The following GATA3 variants were observed in gnomAD, a reference collection of about 807,000 sequenced individuals.
GATA3 encodes the protein trans-acting T-cell-specific transcription factor GATA-3.
GATA3 carries 6 observed loss-of-function variants against 36.0 expected under a neutral mutation model. That is an observed-to-expected ratio of 0.17 (90% CI 0.09 to 0.33). GATA3 has a LOEUF of 0.33. Among genes scored for constraint, GATA3 ranks in the 10% least tolerant of loss-of-function variants. The probability of loss-of-function intolerance (pLI) is 1.00; values close to 1 mark genes in which losing one functional copy is unlikely to be tolerated. For missense variants in GATA3, 514 were observed against 610.1 expected (o/e 0.84, Z 1.66); for synonymous variants, 326 against 273.0 (o/e 1.19, Z -1.92).
rs776824939 is a variant in GATA3 at position 8,058,560 on chromosome 10, C to T, written c.497C>T (p.Ser166Leu). 1.9e-6 allele frequency: 3 copies of T among 1,612,464 alleles called. No homozygotes were observed. The highest frequency in any genetic ancestry group is 4.5e-5 in the East Asian group (2 of 44,854). The change falls in exon 3 of 6, where the codon TCG becomes TTG. Residue 166 changes from serine (S) to leucine (L), a missense_variant. Around this residue, in one of 3 missense-constraint regions of GATA3, gnomAD observed 381 missense variants for 354.3 expected, o/e 1.08. Transcript: ENST00000379328. The part of the protein sequence containing the change: ...TPPKDVSPDP[S>L]LSTPGSAGSA... ...CCGAAGGACGTCTCCCCGGACCCAT[C>T]GCTGTCCACCCCAGGCTCGGCCGGC...
rs766098800 is a variant in GATA3, at chr10:8,064,130, C to A, written c.916C>A (p.Arg306=). 1.2e-5 allele frequency: 19 copies of A among 1,613,978 alleles called. No individual in the cohort carries two copies. Among genetic ancestry groups the A allele is most frequent in the East Asian group, 2.2e-5 (1 of 44,878 alleles). The part of the protein sequence containing the change: ...GQNRPLIKPK[R]RLSAARRAGT... ...GAACCGGCCCCTCATTAAGCCCAAG[C>A]GAAGGCTGGTAAGTTCTCGGGAAGG... Residue 306 remains arginine, a synonymous_variant, in exon 4 of 6, where the codon CGA becomes AGA. Coordinates refer to ENST00000379328, the MANE Select transcript of GATA3 (RefSeq NM_001002295.2).
At chr10:8,072,407 C>T (rs1444769047) in intron 5 of GATA3, among the ~76,000 whole-genome samples, 1 of 152,172 alleles carries the variant, frequency 6.6e-6, no homozygotes, top group Admixed American at 6.5e-5. Context: ...AGTCTGTTTG[C>T]CACCCTCCCC....
At chr10:8,069,379 T>C (rs1374020029) in intron 4 of GATA3, 94 bp from the exon 5 acceptor site, 6 of 1,285,712 alleles carry the variant, frequency 4.7e-6, no homozygotes, top group Non-Finnish European at 5.6e-6. Flanking sequence ...AATTTCTTCC[T>C]TCCTTTTTTT....
In GATA3 at chr10:8,063,720, C is replaced by T. The variant is rs1039169801; in HGVS notation, c.779-273C>T. 5.9e-5 allele frequency among the ~76,000 whole-genome samples: 9 copies of T among 152,314 alleles called. No individual in the cohort carries two copies. The East Asian group carries it at 1.2e-3, about 20-fold the overall frequency. On this transcript the variant is annotated intron_variant, in intron 3 of 5. Transcript: ENST00000379328. Reference sequence around the variant, plus strand: ...TCCTGCCCGATCTTCTCCATCAAGTCGGGCAAGCCAAGAACAGGGTTCTGT... The same window carrying T: ...TCCTGCCCGATCTTCTCCATCAAGTTGGGCAAGCCAAGAACAGGGTTCTGT...
rs1157299467 is a variant in GATA3, at chr10:8,058,482, C to T, written c.419C>T (p.Ser140Phe). Residue 140 changes from serine to phenylalanine, a missense_variant, in exon 3 of 6, where the codon TCC (serine) becomes TTC (phenylalanine). Physicochemically the swap from Ser to Phe is radical, Grantham distance 155. This residue lies in a region of GATA3 where 381 missense variants were observed against 354.3 expected (regional missense o/e 1.08). Transcript: ENST00000379328. ...GTCTACCCCCCGGCCTCGTCCTCCT[C>T]CTTGTCGGGGGGCCACGCCAGCCCG... is the stretch of plus-strand genomic sequence containing the variant. ...LSVYPPASSS[S>F]LSGGHASPHL... 1.2e-6 allele frequency: 2 copies of T among 1,612,636 alleles called. No individual in the cohort carries two copies. Among genetic ancestry groups the T allele is most frequent in the Non-Finnish European group, 1.7e-6 (2 of 1,179,786 alleles).
intron 3 of GATA3, among the ~76,000 whole-genome samples, chr10:8,059,241 A>G (rs1358235963): frequency 6.6e-6 from 1 of 152,180 alleles, no homozygotes; most frequent in Admixed American, 6.5e-5. Flanking sequence ...TCAAGCCTAA[A>G]CAAACACAGG....
At chr10:8,048,022 C>G (rs1403097525) in intron 1 of GATA3, among the ~76,000 whole-genome samples, 1 of 152,174 alleles carries the variant, frequency 6.6e-6, no homozygotes, top group Non-Finnish European at 1.5e-5. Context: ...GTCCCCCTCC[C>G]CCTCTTTTCC....
chr10:8,066,675 C>A (rs565529137), intron 4 of GATA3, among the ~76,000 whole-genome samples: 1 of 152,128 alleles, frequency 6.6e-6, no homozygotes, highest in African/African-American at 2.4e-5. Context: ...GAGAGATGAC[C>A]GAAGGGAAGA....
At chr10:8,072,499 G>T (rs1329301292) in intron 5 of GATA3, among the ~76,000 whole-genome samples, 17 of 152,166 alleles carry the variant, frequency 1.1e-4, no homozygotes, top group Admixed American at 9.8e-4. Flanking sequence ...CTCCCTGTGG[G>T]GAGTAACTTC....
chr10:8,074,118 C>A lies in GATA3; in HGVS notation c.*95C>A. On this transcript the variant is annotated 3_prime_UTR_variant, in exon 6 of 6. Transcript: ENST00000379328. ...GGAGCAGTATCATGAAGCCTAAACG[C>A]GATGGATATATGTTTTTGAAGGCAG... The A allele has an allele frequency of 7.2e-7, 1 of 1,393,208 alleles. No individual in the cohort carries two copies. Among genetic ancestry groups the A allele is most frequent in the Non-Finnish European group, 9.8e-7 (1 of 1,017,100 alleles). The allele number at this position is 1,393,208 out of a possible 1,614,324, so 86.3% of individuals were successfully genotyped here. A position where few individuals can be genotyped will look rare whatever the true frequency, so the allele number is the denominator to read the frequency against.
At chr10:8,060,039 G>A (rs931705943) in intron 3 of GATA3, among the ~76,000 whole-genome samples, 9 of 152,150 alleles carry the variant, frequency 5.9e-5, no homozygotes, top group Non-Finnish European at 8.8e-5. Flanking sequence ...CCAAAGCTCC[G>A]GTTTGAAAAA....
chr10:8,045,984 C>G (rs1160498943), intron 1 of GATA3, among the ~76,000 whole-genome samples: 2 of 152,206 alleles, frequency 1.3e-5, no homozygotes, highest in Non-Finnish European at 2.9e-5. Flanking sequence ...ATTAAAGAAA[C>G]AGCTCTGCTC....
At chr10:8,047,055 C>G (rs1015546558) in intron 1 of GATA3, among the ~76,000 whole-genome samples, 52 of 152,204 alleles carry the variant, frequency 3.4e-4, no homozygotes, top group African/African-American at 1.3e-3. Flanking sequence ...CTGCATTTTT[C>G]TTTATTTGAC....
chr10:8,049,477 GAA>G (rs2131466248), upstream of GATA3, among the ~76,000 whole-genome samples: 2 of 152,378 alleles, frequency 1.3e-5, no homozygotes, highest in South Asian at 4.1e-4. Flanking sequence ...GCAAGGGAAA[GAA>G]AACGGGGGCC....
At chr10:8,064,252 C>T in intron 4 of GATA3, 114 bp downstream of exon 4, 4 of 1,212,924 alleles carry the variant, frequency 3.3e-6, no homozygotes, top group Admixed American at 3.6e-5. Flanking sequence ...CCAATCGTGT[C>T]AGCTGGCTTG....
intron 2 of GATA3, among the ~76,000 whole-genome samples, chr10:8,057,579 C>T (rs1275202505): frequency 6.6e-6 from 1 of 152,136 alleles, no homozygotes. Flanking sequence ...GAGAAAATGG[C>T]CATCCCAGGG....
upstream of GATA3, chr10:8,052,724 G>A (rs955762906): frequency 3.3e-5 from 5 of 152,214 alleles, no homozygotes; most frequent in Non-Finnish European, 5.9e-5. Flanking sequence ...TCCGGTGAAT[G>A]TTAGACAGCA....
At position 8,064,212 on chromosome 10, in the gene GATA3, G is replaced by C. The variant is rs546332391; in HGVS notation, c.924+74G>C. 3.8e-6 allele frequency: 6 copies of C among 1,583,580 alleles called. No individual in the cohort carries two copies. In the African/African-American group the frequency reaches 8.1e-5, roughly 22 times the overall value. ...TCATTTCCTCTCTTCCGGAAGGACA[G>C]CTTTCTGCAGGAAATTGACAGGATA... On this transcript the variant is annotated intron_variant, in intron 4 of 5. Coordinates refer to ENST00000379328, the MANE Select transcript of GATA3 (RefSeq NM_001002295.2).
chr10:8,055,638 G>C lies in GATA3; in HGVS notation c.-18G>C. On this transcript the variant is annotated 5_prime_UTR_variant, in exon 2 of 6. Transcript: ENST00000379328. The surrounding 1 kb of genome is among the most constrained non-coding windows in gnomAD (Gnocchi z 5.4). ...CGGGTTCCGGGCCCGGCGAGAGGGC[G>C]CGAGCACAGCCGAGGCCATGGAGGT... 4 of 1,549,206 alleles carry C rather than the reference G, an allele frequency of 2.6e-6. No individual in the cohort carries two copies. Among genetic ancestry groups the C allele is most frequent in the Non-Finnish European group, 3.5e-6 (4 of 1,148,380 alleles).
Sources: gnomAD v4.1 joint callset for allele counts (sites outside exome capture counted in the v4.1 genomes callset) on GRCh38, gnomAD v4.1.1 for gene constraint, gnomAD v4.1.1 regional missense constraint, Gnocchi (gnomAD v3.1) non-coding constraint, MANE v1.5 for transcripts, NCBI Gene and HGNC (gene_info 2026-07-23, HGNC 2026-07-21) for gene names.